The following GRM1 variants were observed in gnomAD, a reference collection of about 807,000 sequenced individuals.
GRM1 encodes the protein metabotropic glutamate receptor 1.
In GRM1, 33 loss-of-function variants were observed where a neutral mutation model predicts 90.9. That is an observed-to-expected ratio of 0.36 (90% CI 0.28 to 0.49). GRM1 has a LOEUF of 0.49. Ranked by LOEUF, GRM1 falls within the 20% of genes least tolerant of loss-of-function variation. GRM1 has a pLI of 0.99. For synonymous variants in GRM1, 700 were observed against 613.2 expected (o/e 1.14, Z -2.09); for missense variants, 1,190 against 1,534.3 (o/e 0.78, Z 3.75).
In GRM1 at chr6:146,368,351, G is replaced by T. The variant is rs189238432; in HGVS notation, c.1602+10657G>T. ...ATTTGACTTCTTCCTTTCCAATTTGGATGCCCTTTATTACTTTCTCTTGCC... is the reference window on the plus strand; with the variant it reads ...ATTTGACTTCTTCCTTTCCAATTTGTATGCCCTTTATTACTTTCTCTTGCC... On this transcript the variant is annotated intron_variant, in intron 5 of 7. Coordinates refer to ENST00000282753, the MANE Select transcript of GRM1 (RefSeq NM_001278064.2). Among the ~76,000 whole-genome samples the T allele has an allele frequency of 6.7e-3, 1,020 of 151,490 alleles. 10 individuals are homozygous for T. The highest frequency in any genetic ancestry group is 0.034 in the Middle Eastern group (10 of 292).
intron 3 of GRM1, among the ~76,000 whole-genome samples, chr6:146,321,097 A>G (rs1784172764): frequency 1.3e-5 from 2 of 152,018 alleles, no homozygotes; most frequent in African/African-American, 2.4e-5. Flanking sequence ...TCACTTTCCC[A>G]TGTGCATAAT....
intron 5 of GRM1, among the ~76,000 whole-genome samples, chr6:146,383,102 A>T (rs1217768728): frequency 6.6e-6 from 1 of 152,204 alleles, no homozygotes; most frequent in Non-Finnish European, 1.5e-5. Context: ...TGGCAAAAGT[A>T]CACATGCTTG....
intron 2 of GRM1, among the ~76,000 whole-genome samples, chr6:146,160,526 C>T (rs1777685391): frequency 6.6e-6 from 1 of 152,186 alleles, no homozygotes; most frequent in African/African-American, 2.4e-5. Flanking sequence ...CTATCACACT[C>T]ATCTTCCGAA....
intron 7 of GRM1, among the ~76,000 whole-genome samples, chr6:146,433,324 C>T (rs1024081413): frequency 1.6e-4 from 24 of 152,162 alleles, no homozygotes; most frequent in African/African-American, 4.8e-4. Context: ...TGTGTGATCA[C>T]GCCACCCTGG....
chr6:146,274,776 C>T (rs1431446335), intron 2 of GRM1, among the ~76,000 whole-genome samples: 1 of 152,180 alleles, frequency 6.6e-6, no homozygotes, highest in African/African-American at 2.4e-5. Context: ...TGATAAGACC[C>T]TTTGCTTTAA....
intron 3 of GRM1, among the ~76,000 whole-genome samples, chr6:146,325,905 C>G (rs1475060242): frequency 6.6e-6 from 1 of 152,164 alleles, no homozygotes; most frequent in African/African-American, 2.4e-5. Flanking sequence ...AAAACATCCA[C>G]TTCCTTATAT....
intron 1 of GRM1, among the ~76,000 whole-genome samples, chr6:146,043,811 A>ATATATATATAT (rs1554260501): frequency 8.2e-5 from 12 of 145,548 alleles, no homozygotes; most frequent in African/African-American, 1.7e-4. Flanking sequence ...ATATATATAT[A>ATATATATATAT]AAGGGAAGTG....
At chr6:146,069,413 C>T (rs1017175900) in intron 1 of GRM1, among the ~76,000 whole-genome samples, 1 of 152,068 alleles carries the variant, frequency 6.6e-6, no homozygotes, top group African/African-American at 2.4e-5. Context: ...ATTTTAAAAA[C>T]TTATGACCAT....
At chr6:146,411,289 G>A (rs1257711330) in intron 7 of GRM1, among the ~76,000 whole-genome samples, 7 of 152,148 alleles carry the variant, frequency 4.6e-5, no homozygotes, top group African/African-American at 1.4e-4. Context: ...AAGGAAGAAG[G>A]CTGATGGATT....
At chr6:146,256,213 G>A (rs974671987) in intron 2 of GRM1, among the ~76,000 whole-genome samples, 6 of 152,160 alleles carry the variant, frequency 3.9e-5, no homozygotes, top group African/African-American at 9.7e-5. Context: ...GGAAATAATA[G>A]AGCCCATATC....
At chr6:146,266,772 A>C (rs913474441) in intron 2 of GRM1, among the ~76,000 whole-genome samples, 2 of 152,250 alleles carry the variant, frequency 1.3e-5, no homozygotes, top group African/African-American at 4.8e-5. Flanking sequence ...CAACTCTGCT[A>C]GTATCACCAC....
At chr6:146,270,191 T>C (rs1208141914) in intron 2 of GRM1, among the ~76,000 whole-genome samples, 2 of 151,870 alleles carry the variant, frequency 1.3e-5, no homozygotes. Flanking sequence ...AGAGAGAGAG[T>C]GTATAAGCAA....
intron 5 of GRM1, among the ~76,000 whole-genome samples, chr6:146,379,766 A>C (rs1407773180): frequency 6.6e-6 from 1 of 152,060 alleles, no homozygotes; most frequent in Non-Finnish European, 1.5e-5. Context: ...TTGTGATCCA[A>C]GCTGTATCTG....
chr6:146,410,073 G>A (rs1408672772), intron 7 of GRM1, among the ~76,000 whole-genome samples: 2 of 151,910 alleles, frequency 1.3e-5, no homozygotes, highest in Middle Eastern at 3.2e-3. Context: ...ATATTATTTG[G>A]CTTAGATGGG....
chr6:146,317,791 G>C (rs972388845), intron 3 of GRM1, among the ~76,000 whole-genome samples: 1 of 152,104 alleles, frequency 6.6e-6, no homozygotes, highest in African/African-American at 2.4e-5. Context: ...AAAGTTATAT[G>C]TGTCACTTCC....
intron 2 of GRM1, among the ~76,000 whole-genome samples, chr6:146,222,176 A>T (rs1780085722): frequency 6.6e-6 from 1 of 152,206 alleles, no homozygotes; most frequent in Non-Finnish European, 1.5e-5. Flanking sequence ...ATTATGTACA[A>T]TTGTAAAGAC....
At chr6:146,089,309 G>A (rs1211473296) in intron 1 of GRM1, among the ~76,000 whole-genome samples, 5 of 152,064 alleles carry the variant, frequency 3.3e-5, no homozygotes, top group Admixed American at 2.0e-4. Flanking sequence ...AATGAATTCC[G>A]CCAGCAAACT....
At position 146,357,658 on chromosome 6, in the gene GRM1, T is replaced by C; in HGVS notation, c.1566T>C (p.Ser522=). The change falls in exon 5 of 8, where the codon TCT becomes TCC. Residue 522 remains serine, a synonymous_variant. Coordinates refer to ENST00000282753, the MANE Select transcript of GRM1 (RefSeq NM_001278064.2). ...IQMNKSGVVR[S]VCSEPCLKGQ... ...TGAACAAGAGTGGAGTGGTGCGGTC[T>C]GTGTGCAGTGAGCCTTGCTTAAAGG... is the stretch of plus-strand genomic sequence containing the variant. 1 of 1,614,106 alleles carries C rather than the reference T, an allele frequency of 6.2e-7. No homozygotes were observed. The highest frequency in any genetic ancestry group is 8.5e-7 in the Non-Finnish European group (1 of 1,179,956).
At chr6:146,323,672 C>T (rs201070055) in intron 3 of GRM1, among the ~76,000 whole-genome samples, 1 of 152,050 alleles carries the variant, frequency 6.6e-6, no homozygotes, top group Admixed American at 6.6e-5. Context: ...TGCCCATGCC[C>T]ATGTCCTGAA....
Sources: gnomAD v4.1 joint callset for allele counts (sites outside exome capture counted in the v4.1 genomes callset) on GRCh38, gnomAD v4.1.1 for gene constraint, MANE v1.5 for transcripts, NCBI Gene and HGNC (gene_info 2026-07-23, HGNC 2026-07-21) for gene names.